ATRNL1: variants seen among roughly 807,000 people sequenced by gnomAD.
The protein encoded by ATRNL1 is attractin like 1.
A neutral mutation model predicts 182.7 loss-of-function variants in ATRNL1; 95 were observed. That is an observed-to-expected ratio of 0.52 (90% CI 0.44 to 0.62). The LOEUF is 0.62. Among genes scored for constraint, ATRNL1 ranks in the 20% least tolerant of loss-of-function variants. The pLI is 0.00. For synonymous variants in ATRNL1, 576 were observed against 568.3 expected, an observed-to-expected ratio of 1.01 and a Z score of -0.19; for missense variants, 1,471 against 1,679.5, an observed-to-expected ratio of 0.88 and a Z score of 2.17.
intron 25 of ATRNL1, among the ~76,000 whole-genome samples, chr10:115,537,222 C>A (rs1448596242): frequency 1.3e-5 from 2 of 152,116 alleles, no homozygotes; most frequent in African/African-American, 4.8e-5. Flanking sequence ...ACCAGTGCTC[C>A]CCATCTAGTT....
chr10:115,728,969 C>A (rs1272384506), intron 27 of ATRNL1, among the ~76,000 whole-genome samples: 1 of 152,038 alleles, frequency 6.6e-6, no homozygotes, highest in East Asian at 1.9e-4. Context: ...ATTATAAATT[C>A]TTTTTATCCC....
At chr10:115,855,431 G>A (rs1225846110) in intron 28 of ATRNL1, among the ~76,000 whole-genome samples, 1 of 152,128 alleles carries the variant, frequency 6.6e-6, no homozygotes, top group Non-Finnish European at 1.5e-5. Flanking sequence ...TATCAGAGTT[G>A]CTATGTTCTT....
intron 15 of ATRNL1, among the ~76,000 whole-genome samples, chr10:115,299,139 A>G (rs1014408838): frequency 1.3e-5 from 2 of 151,828 alleles, no homozygotes; most frequent in Admixed American, 1.3e-4. Context: ...GTAATATAAT[A>G]TTGGTAGCTT....
At chr10:115,134,530 G>A (rs1845412245) in intron 5 of ATRNL1, among the ~76,000 whole-genome samples, 3 of 152,242 alleles carry the variant, frequency 2.0e-5, no homozygotes, top group Middle Eastern at 3.4e-3. Flanking sequence ...CTCTGAAATT[G>A]AGGCAATAAT....
At chr10:115,307,861 G>A (rs2133993720) in intron 17 of ATRNL1, among the ~76,000 whole-genome samples, 1 of 152,244 alleles carries the variant, frequency 6.6e-6, no homozygotes, top group South Asian at 2.1e-4. Flanking sequence ...TCAGCTTCTT[G>A]GCAATGGTTT....
chr10:115,641,036 C>T (rs548052003), intron 26 of ATRNL1, among the ~76,000 whole-genome samples: 12 of 152,184 alleles, frequency 7.9e-5, no homozygotes, highest in African/African-American at 2.9e-4. Flanking sequence ...GGAATCCTTT[C>T]CCCATTGCTT....
chr10:115,705,977 A>G (rs1458444929), intron 26 of ATRNL1, among the ~76,000 whole-genome samples: 4 of 151,884 alleles, frequency 2.6e-5, no homozygotes, highest in African/African-American at 7.2e-5. Flanking sequence ...ACATTTTCTT[A>G]TATCATCCCA....
chr10:115,890,657 T>C (rs1952057720), intron 28 of ATRNL1, among the ~76,000 whole-genome samples: 1 of 152,198 alleles, frequency 6.6e-6, no homozygotes, highest in Non-Finnish European at 1.5e-5. Context: ...ATATGTTTGA[T>C]AGTTCATGAA....
In ATRNL1 at chr10:115,535,896, A is replaced by G. The variant is rs1851959412; in HGVS notation, c.3717-13562A>G. Among the ~76,000 whole-genome samples, 4 of 151,886 alleles carry G rather than the reference A, an allele frequency of 2.6e-5. No individual in the cohort carries two copies. The South Asian group carries it at 6.2e-4, about 24-fold the overall frequency. On this transcript the variant is annotated intron_variant, in intron 25 of 28. Transcript: ENST00000355044. ...CACTCCAGACCCTGTTTGCCTGGGT[A>G]TCAGCAGCGGTGTCTGCAGAACAGC... is the stretch of plus-strand genomic sequence containing the variant.
At chr10:115,899,871 G>T (rs1483757416) in intron 28 of ATRNL1, among the ~76,000 whole-genome samples, 2 of 152,098 alleles carry the variant, frequency 1.3e-5, no homozygotes, top group African/African-American at 4.8e-5. Context: ...AACATAAAAT[G>T]ATTCCACCAG....
intron 28 of ATRNL1, among the ~76,000 whole-genome samples, chr10:115,917,325 C>A (rs1952892540): frequency 6.6e-6 from 1 of 151,946 alleles, no homozygotes; most frequent in Non-Finnish European, 1.5e-5. Flanking sequence ...AAAAAATTAG[C>A]CGGGCATGGC....
chr10:115,190,389 A>G (rs1848122819), intron 8 of ATRNL1, among the ~76,000 whole-genome samples: 1 of 152,136 alleles, frequency 6.6e-6, no homozygotes, highest in Non-Finnish European at 1.5e-5. Context: ...AAAAAGTTTT[A>G]GTAGATGTGC....
rs190416848 is a variant in ATRNL1 at position 115,643,034 on chromosome 10, G to A, written c.3796-84214G>A. 1.3e-3 allele frequency among the ~76,000 whole-genome samples: 203 copies of A among 152,182 alleles called. 1 individual carries two copies. Among genetic ancestry groups the A allele is most frequent in the African/African-American group, 4.8e-3 (199 of 41,518 alleles). Reference sequence around the variant, plus strand: ...ATAAACATTTGCAATGCAAAGTATGGCACTCAGACAAATTATCCAGCCCAA... The same window carrying A: ...ATAAACATTTGCAATGCAAAGTATGACACTCAGACAAATTATCCAGCCCAA... On this transcript the variant is annotated intron_variant, in intron 26 of 28. Transcript: ENST00000355044.
chr10:115,672,703 T>C (rs1265667023), intron 26 of ATRNL1, among the ~76,000 whole-genome samples: 2 of 152,088 alleles, frequency 1.3e-5, no homozygotes, highest in African/African-American at 4.8e-5. Context: ...AGATTAATTA[T>C]CTGTCATTCA....
intron 14 of ATRNL1, among the ~76,000 whole-genome samples, chr10:115,285,876 T>C (rs1299554818): frequency 2.0e-5 from 3 of 152,066 alleles, no homozygotes; most frequent in Non-Finnish European, 2.9e-5. Context: ...TCTTGTCTTA[T>C]GTAAACTAGA....
At chr10:115,422,560 A>G (rs1327691367) in intron 20 of ATRNL1, among the ~76,000 whole-genome samples, 1 of 152,204 alleles carries the variant, frequency 6.6e-6, no homozygotes, top group Non-Finnish European at 1.5e-5. Flanking sequence ...TGCAGAGAAA[A>G]GGGGACCTTA....
At position 115,856,450 on chromosome 10, in the gene ATRNL1, AGC is replaced by A. The variant is rs1951189705; in HGVS notation, c.4018+8460_4018+8461del. Among the ~76,000 whole-genome samples the A allele has an allele frequency of 1.4e-5, 2 of 147,422 alleles. 1 individual carries two copies. The highest frequency in any genetic ancestry group is 3.0e-5 in the Non-Finnish European group (2 of 66,570). On this transcript the variant is annotated intron_variant, in intron 28 of 28. Coordinates refer to ENST00000355044, the MANE Select transcript of ATRNL1 (RefSeq NM_207303.4). ...TCTCAAAAAAAAAAAAAAAAAAAAA[AGC>A]CATACATACTGTTCGTTGTGAATCT...
At chr10:115,587,873 C>A (rs11197318) in intron 26 of ATRNL1, among the ~76,000 whole-genome samples, 44,125 of 151,700 alleles carry the variant, frequency 0.29, 7,613 homozygotes, top group East Asian at 0.68. Context: ...TCTTCCAAAC[C>A]AGTAGAGAAA....
intron 21 of ATRNL1, among the ~76,000 whole-genome samples, chr10:115,460,715 T>C (rs1348680081): frequency 2.0e-5 from 3 of 152,180 alleles, no homozygotes; most frequent in Admixed American, 6.6e-5. Flanking sequence ...TAAATGTTTC[T>C]TCTGAAAGCT....
Sources: allele counts gnomAD v4.1 joint callset (sites outside exome capture counted in the v4.1 genomes callset), GRCh38; gene constraint gnomAD v4.1.1; transcripts MANE v1.5; gene names NCBI Gene and HGNC (gene_info 2026-07-23, HGNC 2026-07-21).